PCDHGA8: variants seen among roughly 807,000 people sequenced by gnomAD.
PCDHGA8 encodes protocadherin gamma subfamily A, 8.
A neutral mutation model predicts 59.2 loss-of-function variants in PCDHGA8; 45 were observed. The observed-to-expected ratio is 0.76, with a 90% CI of 0.60 to 0.98. PCDHGA8 has a LOEUF of 0.98. PCDHGA8 is among the 50% of genes least tolerant of loss of function. The probability of loss-of-function intolerance (pLI) is 0.00; values close to 1 mark genes in which losing one functional copy is unlikely to be tolerated. For missense variants in PCDHGA8, 1,257 were observed against 1,196.2 expected, an observed-to-expected ratio of 1.05 and a Z score of -0.75; for synonymous variants, 531 against 519.0, an observed-to-expected ratio of 1.02 and a Z score of -0.32.
At chr5:141,414,878 A>G in intron 1 of PCDHGA8, 2 of 1,614,026 alleles carry the variant, frequency 1.2e-6, no homozygotes, top group Non-Finnish European at 1.7e-6. Context: ...GAGATCCTGT[A>G]CCCCGCCCTC....
chr5:141,431,163 A>G lies in PCDHGA8; in HGVS notation c.2424+35926A>G. On this transcript the variant is annotated intron_variant, in intron 1 of 3. Transcript: ENST00000398604. This position sits in a 1 kb window ranked among gnomAD's most constrained non-coding sequence, Gnocchi z 4.8. ...AACGACAATGCGCCTTACTTTCGTG[A>G]AAGTGAATTAGAAATAAAAATTAGT... 1 of 1,614,246 alleles carries G rather than the reference A, an allele frequency of 6.2e-7. No individual in the cohort carries two copies. Among genetic ancestry groups the G allele is most frequent in the Non-Finnish European group, 8.5e-7 (1 of 1,180,036 alleles).
rs191916514 is a variant in PCDHGA8, at chr5:141,456,716, G to A, written c.2425-38091G>A. 3.9e-3 allele frequency among the ~76,000 whole-genome samples: 589 copies of A among 152,314 alleles called. 5 individuals carry two copies. Among genetic ancestry groups the A allele is most frequent in the Admixed American group, 0.011 (169 of 15,300 alleles). On this transcript the variant is annotated intron_variant, in intron 1 of 3. Transcript: ENST00000398604. ...GTGGTGGCTCGCGCCTGTAATCCCA[G>A]CACTTTGGGAGGCTGAGGCGGGAGC...
intron 1 of PCDHGA8, chr5:141,427,959 C>A: frequency 1.3e-6 from 2 of 1,588,886 alleles, no homozygotes; most frequent in Non-Finnish European, 1.7e-6. Flanking sequence ...CAATGTGCCG[C>A]GGGTGCTGTA....
intron 1 of PCDHGA8, chr5:141,416,678 G>T (rs2096051953): frequency 6.6e-6 from 1 of 151,990 alleles, no homozygotes; most frequent in Non-Finnish European, 1.5e-5. Flanking sequence ...TGCAACGAAG[G>T]GAAATTATAT....
chr5:141,412,050 A>G (rs1465943762), intron 1 of PCDHGA8: 1 of 152,222 alleles, frequency 6.6e-6, no homozygotes, highest in African/African-American at 2.4e-5. Flanking sequence ...GTGAACTTCT[A>G]TACCCTTTGC....
chr5:141,439,131 T>A (rs2098090046), intron 1 of PCDHGA8, among the ~76,000 whole-genome samples: 1 of 150,502 alleles, frequency 6.6e-6, no homozygotes, highest in Non-Finnish European at 1.5e-5. Flanking sequence ...AGACAGAGGT[T>A]GCAGTGAGCT....
Position 141,477,934 on chromosome 5 carries a change from C to T in PCDHGA8, c.2425-16873C>T. Reference sequence around the variant, plus strand: ...CGGATGCAGGGCACAATGCCTGGCTCTCCTACAGTCTCTTGGGATCCCCTA... The same window carrying T: ...CGGATGCAGGGCACAATGCCTGGCTTTCCTACAGTCTCTTGGGATCCCCTA... On this transcript the variant is annotated intron_variant, in intron 1 of 3. Coordinates refer to ENST00000398604, the MANE Select transcript of PCDHGA8 (RefSeq NM_032088.2). This position sits in a 1 kb window ranked among gnomAD's most constrained non-coding sequence, Gnocchi z 4.9. 3.1e-6 allele frequency: 5 copies of T among 1,614,204 alleles called. No individual in the cohort carries two copies. The highest frequency in any genetic ancestry group is 4.2e-6 in the Non-Finnish European group (5 of 1,180,036).
At chr5:141,441,734 G>GAT in intron 1 of PCDHGA8, 1 of 364,808 alleles carries the variant, frequency 2.7e-6, no homozygotes, top group South Asian at 2.2e-5. Context: ...ACCAGGACTA[G>GAT]CTCGCGCTCG....
At chr5:141,474,212 C>T (rs892802269) in intron 1 of PCDHGA8, among the ~76,000 whole-genome samples, 5 of 152,078 alleles carry the variant, frequency 3.3e-5, no homozygotes, top group African/African-American at 1.2e-4. Flanking sequence ...TTTCAAAAAC[C>T]AGATTGTGAA....
chr5:141,505,317 G>A, intron 2 of PCDHGA8, 76 bp from the exon 3 acceptor site: 1 of 1,603,092 alleles, frequency 6.2e-7, no homozygotes, highest in Non-Finnish European at 8.5e-7. Flanking sequence ...AGGTTTGGGA[G>A]CCCTGGGAGA....
intron 1 of PCDHGA8, chr5:141,398,633 A>G: frequency 6.2e-7 from 1 of 1,614,064 alleles, no homozygotes; most frequent in Non-Finnish European, 8.5e-7. Flanking sequence ...TCTCTGCAGA[A>G]GTATAAACTC....
At chr5:141,494,736 T>C in intron 1 of PCDHGA8, 71 bp from the exon 2 acceptor site, 1 of 1,611,858 alleles carries the variant, frequency 6.2e-7, no homozygotes, top group Non-Finnish European at 8.5e-7. Context: ...TCCCGGCCCA[T>C]CCCTAGGGGC....
intron 1 of PCDHGA8, among the ~76,000 whole-genome samples, chr5:141,492,920 G>A (rs2099745093): frequency 6.6e-6 from 1 of 152,198 alleles, no homozygotes; most frequent in African/African-American, 2.4e-5. Context: ...TGTGCCCAGC[G>A]ATCTAGGGTC....
intron 1 of PCDHGA8, among the ~76,000 whole-genome samples, chr5:141,468,247 C>T (rs925455907): frequency 6.7e-6 from 1 of 149,930 alleles, no homozygotes; most frequent in Non-Finnish European, 1.5e-5. Flanking sequence ...ATTGCCTGAA[C>T]CTGGGAGGCA....
rs1389907024 is a variant in PCDHGA8 at position 141,394,550 on chromosome 5, C to T, written c.1737C>T (p.Pro579=). 9.3e-6 allele frequency: 15 copies of T among 1,614,014 alleles called. No individual in the cohort carries two copies. The highest frequency in any genetic ancestry group is 7.7e-5 in the South Asian group (7 of 91,078). ...GTTCCACTGGCGTGGAGCTGGCGCCCCGCTCCGCAGAGCGTGGCTACCTGG... is the reference window on the plus strand; with the variant it reads ...GTTCCACTGGCGTGGAGCTGGCGCCTCGCTCCGCAGAGCGTGGCTACCTGG... ...TDGSTGVELA[P]RSAERGYLVT... The change falls in exon 1 of 4, where the codon CCC becomes CCT. Residue 579 remains proline (P), a synonymous_variant. Transcript: ENST00000398604.
intron 1 of PCDHGA8, chr5:141,440,987 A>C (rs2098217413): frequency 6.6e-6 from 1 of 152,278 alleles, no homozygotes; most frequent in African/African-American, 2.4e-5. Flanking sequence ...AACCCAGAGT[A>C]CCCATATCTA....
intron 1 of PCDHGA8, chr5:141,413,287 T>C (rs937508313): frequency 6.2e-7 from 1 of 1,613,950 alleles, no homozygotes. Flanking sequence ...GATCTCCTAC[T>C]CAATTCCTGA....
At chr5:141,422,348 A>G (rs1163115969) in intron 1 of PCDHGA8, 1 of 1,554,608 alleles carries the variant, frequency 6.4e-7, no homozygotes, top group Non-Finnish European at 8.7e-7. Context: ...AATGTGCAAG[A>G]TCAAGATTCT....
chr5:141,502,655 C>T (rs72790073), intron 2 of PCDHGA8, among the ~76,000 whole-genome samples: 29,437 of 152,034 alleles, frequency 0.19, 2,877 homozygotes, highest in Middle Eastern at 0.24. Context: ...AGGCAGCAAC[C>T]CTTCATGCAA....
Sources: gnomAD v4.1 joint callset for allele counts (sites outside exome capture counted in the v4.1 genomes callset) on GRCh38, gnomAD v4.1.1 for gene constraint, Gnocchi (gnomAD v3.1) non-coding constraint, MANE v1.5 for transcripts, NCBI Gene and HGNC (gene_info 2026-07-23, HGNC 2026-07-21) for gene names.